SPON1: variants seen among roughly 807,000 people sequenced by gnomAD.
SPON1 encodes spondin-1.
SPON1 carries 52 observed loss-of-function variants against 111.7 expected under a neutral mutation model. That is an observed-to-expected ratio of 0.47 (90% CI 0.37 to 0.59). The LOEUF (loss-of-function observed/expected upper bound fraction) is 0.59. Ranked by LOEUF, SPON1 falls within the 20% of genes least tolerant of loss-of-function variation. The probability of loss-of-function intolerance (pLI) is 0.00; values close to 1 mark genes in which losing one functional copy is unlikely to be tolerated. For missense variants in SPON1, 957 were observed against 1,068.5 expected (o/e 0.90, Z 1.46); for synonymous variants, 410 against 395.8 (o/e 1.04, Z -0.43).
intron 6 of SPON1, among the ~76,000 whole-genome samples, chr11:14,144,793 T>C (rs1847699850): frequency 6.6e-6 from 1 of 152,200 alleles, no homozygotes; most frequent in African/African-American, 2.4e-5. Context: ...CATTTTCCCT[T>C]TGCTGCCTTC....
chr11:13,978,199 C>T (rs932374153), intron 1 of SPON1, among the ~76,000 whole-genome samples: 6 of 152,092 alleles, frequency 3.9e-5, no homozygotes, highest in Non-Finnish European at 7.3e-5. Flanking sequence ...TTCAATTTTG[C>T]ACTTCTTTCA....
chr11:13,981,532 T>G (rs1202603398), intron 1 of SPON1, among the ~76,000 whole-genome samples: 1 of 152,210 alleles, frequency 6.6e-6, no homozygotes, highest in Non-Finnish European at 1.5e-5. Context: ...TTCACCGTGT[T>G]AGCCAGGATG....
chr11:14,148,199 A>G (rs1847745524), intron 6 of SPON1, among the ~76,000 whole-genome samples: 1 of 152,250 alleles, frequency 6.6e-6, no homozygotes, highest in African/African-American at 2.4e-5. Context: ...AGATTTTGAT[A>G]TTAAACATTT....
chr11:14,114,611 C>T (rs535028407), intron 5 of SPON1, among the ~76,000 whole-genome samples: 1 of 152,294 alleles, frequency 6.6e-6, no homozygotes, highest in East Asian at 1.9e-4. Context: ...CTCCATCCAG[C>T]CTCTATTTCT....
Position 14,172,792 on chromosome 11 carries a change from C to A in SPON1, c.825+37224C>A, listed in dbSNP as rs1231654106. 5.9e-5 allele frequency among the ~76,000 whole-genome samples: 9 copies of A among 152,022 alleles called. No individual in the cohort carries two copies. The South Asian group carries it at 1.0e-3, about 18-fold the overall frequency. On this transcript the variant is annotated intron_variant, in intron 6 of 15. Coordinates refer to ENST00000576479, the MANE Select transcript of SPON1 (RefSeq NM_006108.4). ...GTTATGAAATTCTGGGTTGAAAATT[C>A]TTTTCTTTAAGAATGTTGAATATTG...
At chr11:14,097,445 T>C (rs1381977080) in intron 5 of SPON1, among the ~76,000 whole-genome samples, 1 of 152,260 alleles carries the variant, frequency 6.6e-6, no homozygotes, top group Non-Finnish European at 1.5e-5. Context: ...TAGAATTATT[T>C]TATGTTTTGG....
At chr11:14,062,419 C>A (rs1848798214) in intron 3 of SPON1, among the ~76,000 whole-genome samples, 1 of 152,170 alleles carries the variant, frequency 6.6e-6, no homozygotes, top group Admixed American at 6.5e-5. Context: ...GTACTAGACA[C>A]ATGGAAGGCC....
intron 2 of SPON1, among the ~76,000 whole-genome samples, chr11:14,005,173 T>A (rs1848349674): frequency 6.6e-6 from 1 of 152,248 alleles, no homozygotes; most frequent in African/African-American, 2.4e-5. Context: ...GGAGGTTTTC[T>A]GCTATTTTCT....
chr11:14,222,486 G>A (rs1848691120), intron 6 of SPON1, among the ~76,000 whole-genome samples: 1 of 152,172 alleles, frequency 6.6e-6, no homozygotes, highest in Non-Finnish European at 1.5e-5. Context: ...CAATTCAGTA[G>A]CGCTGAGGTG....
At chr11:14,053,947 C>T (rs1848726278) in intron 3 of SPON1, among the ~76,000 whole-genome samples, 2 of 152,184 alleles carry the variant, frequency 1.3e-5, no homozygotes, top group East Asian at 1.9e-4. Flanking sequence ...TGGAAGATGG[C>T]ATTCCTCTAT....
chr11:14,043,924 T>A (rs192224702), intron 3 of SPON1, among the ~76,000 whole-genome samples: 1 of 152,322 alleles, frequency 6.6e-6, no homozygotes, highest in Admixed American at 6.5e-5. Flanking sequence ...AATGGAGGTA[T>A]ATTCTTGACC....
At chr11:14,104,709 G>T (rs543760061) in intron 5 of SPON1, among the ~76,000 whole-genome samples, 1 of 152,050 alleles carries the variant, frequency 6.6e-6, no homozygotes, top group Non-Finnish European at 1.5e-5. Context: ...ACTAATTCAA[G>T]ATTTCATACT....
At position 14,028,733 on chromosome 11, in the gene SPON1, G is replaced by A. The variant is rs1881517; in HGVS notation, c.346-12788G>A. On this transcript the variant is annotated intron_variant, in intron 2 of 15. Transcript: ENST00000576479. ...GGTCCCCTTCTGGGCTCTGTACACAGGACATCTTTCATCATGTGTAGCCAT... is the reference window on the plus strand; with the variant it reads ...GGTCCCCTTCTGGGCTCTGTACACAAGACATCTTTCATCATGTGTAGCCAT... Among the ~76,000 whole-genome samples, 5,099 of 152,166 alleles carry A rather than the reference G, an allele frequency of 0.034. 570 individuals are homozygous for A. The East Asian group carries it at 0.4, about 12-fold the overall frequency.
chr11:14,265,352 T>C (rs528724538), intron 15 of SPON1, among the ~76,000 whole-genome samples, 172 bp from the exon 16 acceptor site: 1 of 152,314 alleles, frequency 6.6e-6, no homozygotes, highest in South Asian at 2.1e-4. Flanking sequence ...TGGCCATTTT[T>C]TTGCAGTCAG....
At chr11:14,084,479 C>A (rs1211425385) in intron 5 of SPON1, among the ~76,000 whole-genome samples, 1 of 152,126 alleles carries the variant, frequency 6.6e-6, no homozygotes, top group Non-Finnish European at 1.5e-5. Flanking sequence ...GACATGAACT[C>A]ATTCTTTTTT....
intron 6 of SPON1, among the ~76,000 whole-genome samples, chr11:14,193,015 A>C (rs1049457793): frequency 6.6e-6 from 1 of 152,184 alleles, no homozygotes; most frequent in Non-Finnish European, 1.5e-5. Flanking sequence ...TGCAGCTCCT[A>C]TGCAAAAGAC....
chr11:14,011,604 CAA>C lies in SPON1; in HGVS notation c.345+28652_345+28653del, dbSNP rs575489619. Among the ~76,000 whole-genome samples, 8 of 152,088 alleles carry C rather than the reference CAA, an allele frequency of 5.3e-5. No individual in the cohort carries two copies. The South Asian group carries it at 1.7e-3, about 32-fold the overall frequency. The stretch of plus-strand genomic sequence containing the variant: ...TAAATTAAGAATTTCCTATTGTTCT[CAA>C]GTCAGCCCAAATTCTTCTACATGGC... On this transcript the variant is annotated intron_variant, in intron 2 of 15. Coordinates refer to ENST00000576479, the MANE Select transcript of SPON1 (RefSeq NM_006108.4).
At chr11:14,243,226 C>T in intron 6 of SPON1, 106 bp from the exon 7 acceptor site, 1 of 1,095,296 alleles carries the variant, frequency 9.1e-7, no homozygotes, top group South Asian at 1.4e-5. Context: ...GGAAAAGCCC[C>T]AACAGCAGGT....
At chr11:14,107,623 TA>T (rs1172421563) in intron 5 of SPON1, among the ~76,000 whole-genome samples, 1 of 148,584 alleles carries the variant, frequency 6.7e-6, no homozygotes, top group Non-Finnish European at 1.5e-5. Context: ...GAAAGAGGGC[TA>T]GCTTTTAATG....
Sources: allele counts gnomAD v4.1 joint callset (sites outside exome capture counted in the v4.1 genomes callset), GRCh38; gene constraint gnomAD v4.1.1; transcripts MANE v1.5; gene names NCBI Gene and HGNC (gene_info 2026-07-23, HGNC 2026-07-21).